The following MYO1E variants were observed in gnomAD, a reference collection of about 807,000 sequenced individuals.
MYO1E encodes the protein myosin IE, also known as unconventional myosin-Ie.
In MYO1E, 68 loss-of-function variants were observed where a neutral mutation model predicts 151.1. The observed-to-expected ratio is 0.45, with a 90% CI of 0.37 to 0.55. MYO1E has a LOEUF of 0.55. Ranked by LOEUF, MYO1E falls within the 20% of genes least tolerant of loss-of-function variation. The pLI is 0.00. For missense variants in MYO1E, 1,363 were observed against 1,389.3 expected, an observed-to-expected ratio of 0.98 and a Z score of 0.30; for synonymous variants, 601 against 501.7, an observed-to-expected ratio of 1.20 and a Z score of -2.64.
chr15:59,321,054 G>A (rs908730184), intron 1 of MYO1E, among the ~76,000 whole-genome samples: 1 of 152,002 alleles, frequency 6.6e-6, no homozygotes, highest in Non-Finnish European at 1.5e-5. Flanking sequence ...CTCCAAACAA[G>A]ACGTACAAAC....
At chr15:59,351,053 C>G (rs770288824) in intron 1 of MYO1E, among the ~76,000 whole-genome samples, 1 of 152,162 alleles carries the variant, frequency 6.6e-6, no homozygotes. Flanking sequence ...TCCACCACCA[C>G]GCCCAGCTAA....
At chr15:59,148,201 A>G (rs2079453562) in intron 26 of MYO1E, among the ~76,000 whole-genome samples, 1 of 152,230 alleles carries the variant, frequency 6.6e-6, no homozygotes, top group Non-Finnish European at 1.5e-5. Context: ...ATTAAGTGAC[A>G]AGCCTGGGGT....
rs543769881 is a variant in MYO1E at position 59,211,212 on chromosome 15, A to C, written c.1276-612T>G. On this transcript the variant is annotated intron_variant, in intron 12 of 27. Transcript: ENST00000288235. ...GAAACTCCAACTCAAAAAAAAAAAA[A>C]AAAATTGAATATAGGACAGGAGTAC... Among the ~76,000 whole-genome samples the C allele has an allele frequency of 1.5e-3, 234 of 152,158 alleles. 1 individual carries two copies. The Middle Eastern group carries it at 0.027, about 18-fold the overall frequency.
chr15:59,143,256 C>T (rs2079421645), intron 26 of MYO1E, among the ~76,000 whole-genome samples: 1 of 152,100 alleles, frequency 6.6e-6, no homozygotes, highest in Admixed American at 6.5e-5. Context: ...AATGGGGTTC[C>T]TAGTAACTCC....
At chr15:59,198,699 A>C (rs1418022722) in intron 16 of MYO1E, among the ~76,000 whole-genome samples, 4 of 152,058 alleles carry the variant, frequency 2.6e-5, no homozygotes. Flanking sequence ...TGCCACCTGT[A>C]GTCCAGCCAC....
chr15:59,249,093 A>G (rs1401397844), intron 4 of MYO1E, among the ~76,000 whole-genome samples: 1 of 152,182 alleles, frequency 6.6e-6, no homozygotes, highest in Non-Finnish European at 1.5e-5. Flanking sequence ...GTGCTTGAGA[A>G]AGCAGCACGT....
Position 59,190,154 on chromosome 15 carries a change from G to A in MYO1E, c.1806-1938C>T, listed in dbSNP as rs117466853. Among the ~76,000 whole-genome samples the A allele has an allele frequency of 4.9e-3, 751 of 152,314 alleles. 3 individuals are homozygous for A. The highest frequency in any genetic ancestry group is 8.3e-3 in the Non-Finnish European group (563 of 68,030). On this transcript the variant is annotated intron_variant, in intron 17 of 27. Coordinates refer to ENST00000288235, the MANE Select transcript of MYO1E (RefSeq NM_004998.4). ...GGAAGATAAATTGGGCCTGGGCTGCGTGCTGCGCGAGCTGGCTGAACCAGA... is the reference window on the plus strand; with the variant it reads ...GGAAGATAAATTGGGCCTGGGCTGCATGCTGCGCGAGCTGGCTGAACCAGA...
intron 1 of MYO1E, among the ~76,000 whole-genome samples, chr15:59,360,477 C>A (rs2080878901): frequency 6.6e-6 from 1 of 152,184 alleles, no homozygotes. Context: ...GGAAGGCCTG[C>A]ATTCCCCTTT....
chr15:59,171,114 G>A (rs967841889), intron 22 of MYO1E: 1 of 155,922 alleles, frequency 6.4e-6, no homozygotes, highest in Non-Finnish European at 1.5e-5. Flanking sequence ...AGGATTTCCT[G>A]TGTCAGCGGA....
intron 10 of MYO1E, among the ~76,000 whole-genome samples, chr15:59,216,638 C>T (rs189709118): frequency 0.027 from 763 of 28,492 alleles, 23 homozygotes; most frequent in African/African-American, 0.084. Flanking sequence ...GATCGAAGGG[C>T]CCCCAGTGTG....
chr15:59,232,603 C>T (rs1321827310), intron 5 of MYO1E, among the ~76,000 whole-genome samples: 1 of 152,216 alleles, frequency 6.6e-6, no homozygotes, highest in Non-Finnish European at 1.5e-5. Flanking sequence ...TGAGTCATTC[C>T]TTGTACTTCT....
chr15:59,164,079 G>A (rs3794499), intron 22 of MYO1E, among the ~76,000 whole-genome samples: 66,970 of 152,060 alleles, frequency 0.44, 17,794 homozygotes, highest in Non-Finnish European at 0.62. Flanking sequence ...GCAGAGAGAC[G>A]CTGAGGCAGA....
chr15:59,284,289 T>A lies in MYO1E; in HGVS notation c.4-11840A>T, dbSNP rs1346905841. On this transcript the variant is annotated intron_variant, in intron 1 of 27. Coordinates refer to ENST00000288235, the MANE Select transcript of MYO1E (RefSeq NM_004998.4). ...TAGGAGTCCTGGGCCCAGAGTCTGC[T>A]CCAAGGAAGAAATAAGTTTCCAAGG... Among the ~76,000 whole-genome samples, 3 of 152,122 alleles carry A rather than the reference T, an allele frequency of 2.0e-5. No homozygotes were observed. The East Asian group carries it at 5.8e-4, about 29-fold the overall frequency.
chr15:59,138,302 G>T lies in MYO1E; in HGVS notation c.3146C>A (p.Pro1049His), dbSNP rs147579391. The T allele has an allele frequency of 1.6e-3, 2,627 of 1,614,190 alleles. 12 individuals carry two copies. The highest frequency in any genetic ancestry group is 7.2e-3 in the South Asian group (659 of 91,090). ...AGGRPKPQPK[P>H]KPQVPQCKAL... Reference sequence around the variant, plus strand: ...CTTGCACTGTGGCACCTGAGGCTTGGGCTTGGGCTGGGGCTTGGGTCTGCC... The same window carrying T: ...CTTGCACTGTGGCACCTGAGGCTTGTGCTTGGGCTGGGGCTTGGGTCTGCC... Residue 1049 changes from proline (P) to histidine (H), a missense_variant, in exon 27 of 28, where the codon CCC becomes CAC. Transcript: ENST00000288235.
chr15:59,305,054 A>C (rs898486437), intron 1 of MYO1E, among the ~76,000 whole-genome samples: 1 of 152,222 alleles, frequency 6.6e-6, no homozygotes, highest in African/African-American at 2.4e-5. Context: ...GTCGAGCAAC[A>C]CTGTGAACGA....
chr15:59,256,375 G>T lies in MYO1E; in HGVS notation c.241C>A (p.Gln81Lys), dbSNP rs889123030. 11 of 1,596,514 alleles carry T rather than the reference G, an allele frequency of 6.9e-6. No homozygotes were observed. In the Admixed American group the frequency reaches 8.4e-5, roughly 12 times the overall value. ...TAGATATGTGGTGGGTTTTCATACT[G>T]TGCCTAGAAAAGCAAAAAATAATAA... ...KEIEMYQGAA[Q>K]YENPPHIYAL... The change falls in exon 4 of 28, where the codon CAG becomes AAG. Residue 81 changes from glutamine (Q) to lysine (K), a missense_variant. Coordinates refer to ENST00000288235, the MANE Select transcript of MYO1E (RefSeq NM_004998.4).
chr15:59,210,683 C>T, intron 12 of MYO1E, 83 bp from the exon 13 acceptor site: 1 of 952,708 alleles, frequency 1.0e-6, no homozygotes. Flanking sequence ...GACAAAAATT[C>T]CCATAAAAGA....
chr15:59,197,254 A>G (rs780369918), intron 16 of MYO1E, among the ~76,000 whole-genome samples: 1 of 152,194 alleles, frequency 6.6e-6, no homozygotes, highest in Non-Finnish European at 1.5e-5. Flanking sequence ...CAGCCTCTCA[A>G]AGTGCTGGGA....
At chr15:59,164,942 T>C (rs1375143166) in intron 22 of MYO1E, among the ~76,000 whole-genome samples, 1 of 152,150 alleles carries the variant, frequency 6.6e-6, no homozygotes. Context: ...ATGAATTGGA[T>C]TAGTGACCTT....
Sources: allele counts gnomAD v4.1 joint callset (sites outside exome capture counted in the v4.1 genomes callset), GRCh38; gene constraint gnomAD v4.1.1; transcripts MANE v1.5; gene names NCBI Gene and HGNC (gene_info 2026-07-23, HGNC 2026-07-21).